Variants in FGF12 observed in about 807,000 individuals in gnomAD.
FGF12 encodes fibroblast growth factor 12.
Under a neutral mutation model 23.6 loss-of-function variants are expected in FGF12, and 14 were observed. That is an observed-to-expected ratio of 0.59 (90% CI 0.39 to 0.93). The LOEUF (loss-of-function observed/expected upper bound fraction) is 0.93, where lower values mean the gene tolerates loss of function less well. Ranked by LOEUF, FGF12 falls within the 40% of genes least tolerant of loss-of-function variation. The pLI, the probability that FGF12 is intolerant of heterozygous loss-of-function variation, is 0.00. For missense variants in FGF12, 175 were observed against 217.8 expected, an observed-to-expected ratio of 0.80 and a Z score of 1.24; for synonymous variants, 62 against 77.3, an observed-to-expected ratio of 0.80 and a Z score of 1.04.
At chr3:192,187,681 G>C (rs1716548274) in intron 4 of FGF12, among the ~76,000 whole-genome samples, 1 of 152,154 alleles carries the variant, frequency 6.6e-6, no homozygotes, top group South Asian at 2.1e-4. Flanking sequence ...TTCCTGAAGA[G>C]GCTGCTTTGG....
chr3:192,538,786 T>G (rs764994723), intron 2 of FGF12, among the ~76,000 whole-genome samples: 29 of 152,222 alleles, frequency 1.9e-4, no homozygotes, highest in Admixed American at 3.9e-4. Context: ...GAATATCTTT[T>G]CATTTCTTTG....
intron 4 of FGF12, among the ~76,000 whole-genome samples, chr3:192,254,514 C>T (rs1712253781): frequency 6.6e-6 from 1 of 152,072 alleles, no homozygotes; most frequent in South Asian, 2.1e-4. Context: ...TGACACACAA[C>T]ATAGGATATT....
rs1301079815 is a variant in FGF12 at position 192,567,762 on chromosome 3, TTTCTTTCTTTC to T, written c.13+159408_13+159418del. ...CTTTCTTTCTTTCTTTCTTTCTTTC[TTTCTTTCTTTC>T]TTTCTTTCTTTCTTTCTTTCTTTCT... is the stretch of plus-strand genomic sequence containing the variant. On this transcript the variant is annotated intron_variant, in intron 2 of 5. Coordinates refer to ENST00000445105, the MANE Select transcript of FGF12 (RefSeq NM_004113.6). Among the ~76,000 whole-genome samples, 3 of 128,656 alleles carry T rather than the reference TTTCTTTCTTTC, an allele frequency of 2.3e-5. No individual in the cohort carries two copies. In the East Asian group the frequency reaches 6.0e-4, roughly 26 times the overall value. The allele number at this position is 128,656 out of a possible 152,430, so 84.4% of individuals were successfully genotyped here. A position where few individuals can be genotyped will look rare whatever the true frequency, so the allele number is the denominator to read the frequency against.
intron 2 of FGF12, among the ~76,000 whole-genome samples, chr3:192,614,902 C>T (rs547122805): frequency 2.0e-5 from 3 of 152,060 alleles, no homozygotes; most frequent in South Asian, 2.1e-4. Context: ...CCTTTACATA[C>T]TGTTTTTGTT....
chr3:192,313,996 G>A (rs1432249197), intron 4 of FGF12, among the ~76,000 whole-genome samples: 1 of 152,222 alleles, frequency 6.6e-6, no homozygotes, highest in Non-Finnish European at 1.5e-5. Flanking sequence ...AATAGGATCA[G>A]TGTCCTTGTA....
intron 4 of FGF12, among the ~76,000 whole-genome samples, chr3:192,267,473 A>G (rs527576069): frequency 6.6e-6 from 1 of 152,288 alleles, no homozygotes; most frequent in South Asian, 2.1e-4. Context: ...TCTCTTTTTA[A>G]TGAGAATATT....
chr3:192,685,586 G>A (rs1717702666), intron 2 of FGF12, among the ~76,000 whole-genome samples: 1 of 152,066 alleles, frequency 6.6e-6, no homozygotes, highest in Non-Finnish European at 1.5e-5. Context: ...GAGTAGTGGG[G>A]GCACATCAGA....
intron 2 of FGF12, among the ~76,000 whole-genome samples, chr3:192,641,327 G>C (rs1715795445): frequency 1.1e-5 from 1 of 90,798 alleles, no homozygotes. Context: ...GGATGGTCTC[G>C]ATCTCCTGAC....
At chr3:192,641,032 A>G (rs959433123) in intron 2 of FGF12, among the ~76,000 whole-genome samples, 4 of 151,524 alleles carry the variant, frequency 2.6e-5, no homozygotes, top group African/African-American at 9.7e-5. Flanking sequence ...GATGGTCTCA[A>G]TGATCCACCT....
chr3:192,513,208 T>C (rs1002025873), intron 2 of FGF12, among the ~76,000 whole-genome samples: 46 of 152,088 alleles, frequency 3.0e-4, no homozygotes, highest in African/African-American at 1.1e-3. Context: ...TAATAACACA[T>C]ATCTCTACTG....
intron 2 of FGF12, among the ~76,000 whole-genome samples, chr3:192,428,753 A>G (rs1395754941): frequency 6.6e-6 from 1 of 152,128 alleles, no homozygotes; most frequent in Non-Finnish European, 1.5e-5. Flanking sequence ...AGAAGGAGGG[A>G]TTTTATGAAT....
chr3:192,655,734 A>G (rs926494478), intron 2 of FGF12, among the ~76,000 whole-genome samples: 2 of 152,190 alleles, frequency 1.3e-5, no homozygotes, highest in Admixed American at 6.5e-5. Flanking sequence ...CCATGCTAAT[A>G]TGGCCTAGAA....
At chr3:192,696,353 T>C (rs1442788540) in intron 2 of FGF12, among the ~76,000 whole-genome samples, 2 of 152,106 alleles carry the variant, frequency 1.3e-5, no homozygotes, top group African/African-American at 4.8e-5. Flanking sequence ...GATTCACTCA[T>C]TGAGGGCACC....
intron 2 of FGF12, among the ~76,000 whole-genome samples, chr3:192,648,540 C>A (rs9868365): frequency 0.57 from 86,310 of 151,180 alleles, 24,983 homozygotes; most frequent in East Asian, 0.67. Flanking sequence ...GATATTTCCC[C>A]TTTTAACAAA....
At chr3:192,206,410 G>A (rs945592231) in intron 4 of FGF12, among the ~76,000 whole-genome samples, 2 of 152,200 alleles carry the variant, frequency 1.3e-5, no homozygotes, top group East Asian at 3.9e-4. Context: ...TACTCAGTAC[G>A]TTGTTAAGCA....
intron 2 of FGF12, among the ~76,000 whole-genome samples, chr3:192,724,903 T>C (rs1719159937): frequency 6.6e-6 from 1 of 152,192 alleles, no homozygotes; most frequent in Admixed American, 6.5e-5. Flanking sequence ...AGAGAACTCT[T>C]GAACCCTCAA....
At chr3:192,283,388 G>A (rs1714266227) in intron 4 of FGF12, among the ~76,000 whole-genome samples, 2 of 152,016 alleles carry the variant, frequency 1.3e-5, no homozygotes, top group South Asian at 2.1e-4. Context: ...TTTGACATCA[G>A]AGAGGCAACT....
intron 4 of FGF12, among the ~76,000 whole-genome samples, chr3:192,292,851 A>G (rs1028223963): frequency 2.6e-5 from 4 of 152,170 alleles, no homozygotes; most frequent in African/African-American, 9.7e-5. Context: ...ATCATGGCTC[A>G]CTACAGCCTC....
chr3:192,286,315 A>C (rs987925145), intron 4 of FGF12, among the ~76,000 whole-genome samples: 2 of 152,022 alleles, frequency 1.3e-5, no homozygotes, highest in Non-Finnish European at 2.9e-5. Flanking sequence ...AAAACCCTCC[A>C]ACTCAAATAT....
Sources: allele counts gnomAD v4.1 joint callset (sites outside exome capture counted in the v4.1 genomes callset), GRCh38; gene constraint gnomAD v4.1.1; transcripts MANE v1.5; gene names NCBI Gene and HGNC (gene_info 2026-07-23, HGNC 2026-07-21).